Variants in TOR1AIP1 observed in about 807,000 individuals in gnomAD.
TOR1AIP1 encodes torsin 1A interacting protein 1, also known as torsin-1A-interacting protein 1.
TOR1AIP1 carries 54 observed loss-of-function variants against 63.3 expected under a neutral mutation model. That is an observed-to-expected ratio of 0.85 (90% CI 0.69 to 1.07). TOR1AIP1 has a LOEUF of 1.07. Ranked by LOEUF, TOR1AIP1 falls within the 50% of genes least tolerant of loss-of-function variation. The pLI is 0.00. For synonymous variants in TOR1AIP1, 294 were observed against 273.5 expected, an observed-to-expected ratio of 1.07 and a Z score of -0.74; for missense variants, 736 against 715.0, an observed-to-expected ratio of 1.03 and a Z score of -0.33.
At chr1:179,883,056 T>C (rs765892158) in intron 1 of TOR1AIP1, 79 bp downstream of exon 1, 1 of 1,290,764 alleles carries the variant, frequency 7.7e-7, no homozygotes, top group African/African-American at 1.5e-5. Context: ...GTGGAGCTCA[T>C]GCCCGCCTGG....
Position 179,914,592 on chromosome 1 carries a change from G to A in TOR1AIP1, c.964+538G>A, listed in dbSNP as rs557979117. Among the ~76,000 whole-genome samples the A allele has an allele frequency of 7.9e-5, 12 of 152,140 alleles. No homozygotes were observed. The South Asian group carries it at 2.3e-3, about 29-fold the overall frequency. On this transcript the variant is annotated intron_variant, in intron 9 of 9. Coordinates refer to ENST00000606911, the MANE Select transcript of TOR1AIP1 (RefSeq NM_015602.4). ...AGGCGGATCATGAGATCAAGAGATC[G>A]AAACCATCCTGGCCAACATGGTGAA...
chr1:179,912,353 T>C (rs566685993), intron 8 of TOR1AIP1, among the ~76,000 whole-genome samples: 2 of 152,184 alleles, frequency 1.3e-5, no homozygotes, highest in Non-Finnish European at 2.9e-5. Flanking sequence ...TTTTTTAGAA[T>C]TGTTGTTAGC....
intron 8 of TOR1AIP1, among the ~76,000 whole-genome samples, chr1:179,913,127 TA>T (rs1157587637): frequency 6.6e-6 from 1 of 151,570 alleles, no homozygotes; most frequent in Non-Finnish European, 1.5e-5. Flanking sequence ...TTCTTGTTTT[TA>T]ATTTTTTTTT....
At chr1:179,884,315 G>T (rs1647839711) in intron 1 of TOR1AIP1, among the ~76,000 whole-genome samples, 1 of 152,010 alleles carries the variant, frequency 6.6e-6, no homozygotes. Flanking sequence ...AGTTATACAG[G>T]CTAACTTTTT....
intron 2 of TOR1AIP1, 132 bp downstream of exon 2, chr1:179,884,901 C>T: frequency 1.7e-6 from 1 of 585,514 alleles, no homozygotes; most frequent in South Asian, 2.4e-5. Flanking sequence ...ACCAGCCACC[C>T]ATATAACCTT....
At chr1:179,909,077 T>C (rs1015236383) in intron 8 of TOR1AIP1, among the ~76,000 whole-genome samples, 1 of 151,794 alleles carries the variant, frequency 6.6e-6, no homozygotes, top group African/African-American at 2.4e-5. Context: ...AGGAGAATGG[T>C]GTGAACCCAG....
chr1:179,917,299 ATTATT>A (rs1279025964), intron 9 of TOR1AIP1, among the ~76,000 whole-genome samples, 148 bp from the exon 10 acceptor site: 1 of 152,238 alleles, frequency 6.6e-6, no homozygotes, highest in Non-Finnish European at 1.5e-5. Context: ...AATGTGATAA[ATTATT>A]TTATTAAGAA....
intron 5 of TOR1AIP1, 22 bp from the exon 6 acceptor site, chr1:179,903,944 T>C (rs1197172976): frequency 1.3e-6 from 2 of 1,490,834 alleles, no homozygotes; most frequent in East Asian, 4.5e-5. Context: ...TTATTTATAG[T>C]GTACTGTTTT....
In TOR1AIP1 at chr1:179,900,179, G is replaced by A. The variant is rs1417015241; in HGVS notation, c.652+12G>A. ...TTTCTCTGAAGAAGGTATTTTACTT[G>A]TAAATATCATATAATATATACTTTA... On this transcript the variant is annotated intron_variant, in intron 4 of 9. Transcript: ENST00000606911. 2 of 1,558,230 alleles carry A rather than the reference G, an allele frequency of 1.3e-6. No individual in the cohort carries two copies. The highest frequency in any genetic ancestry group is 1.7e-5 in the Admixed American group (1 of 59,598).
At chr1:179,912,635 T>C (rs886088240) in intron 8 of TOR1AIP1, among the ~76,000 whole-genome samples, 5 of 152,164 alleles carry the variant, frequency 3.3e-5, no homozygotes, top group African/African-American at 4.8e-5. Context: ...TTTCATGTGG[T>C]TAGGTATTTT....
Position 179,917,751 on chromosome 1 carries a change from C to G in TOR1AIP1, c.1264C>G (p.Leu422Val), listed in dbSNP as rs1471399916. 4 of 1,614,200 alleles carry G rather than the reference C, an allele frequency of 2.5e-6. No individual in the cohort carries two copies. The highest frequency in any genetic ancestry group is 1.1e-5 in the South Asian group (1 of 91,080). ...LTAARDAEEA[L>V]RCLSEQIADA... ...TGCTGCCCGAGATGCTGAAGAAGCA[C>G]TTAGGTGTCTGAGTGAACAAATTGC... Residue 422 changes from leucine to valine, a missense_variant, in exon 10 of 10, where the codon CTT (leucine) becomes GTT (valine). Physicochemically the swap from Leu to Val is conservative, Grantham distance 32 (BLOSUM62 1). Coordinates refer to ENST00000606911, the MANE Select transcript of TOR1AIP1 (RefSeq NM_015602.4).
rs550939059 is a variant in TOR1AIP1 at position 179,902,585 on chromosome 1, G to C, written c.739+1197G>C. On this transcript the variant is annotated intron_variant, in intron 5 of 9. Transcript: ENST00000606911. ...CTGGTTGTTGGGCATTTGGTATTCT[G>C]TGTGTTTCCCACCCTTCCTCATTTT... 2.6e-5 allele frequency among the ~76,000 whole-genome samples: 4 copies of C among 152,190 alleles called. No individual in the cohort carries two copies. The South Asian group carries it at 8.3e-4, about 32-fold the overall frequency.
At chr1:179,900,212 T>G (rs768288848) in intron 4 of TOR1AIP1, 45 bp downstream of exon 4, 1 of 1,339,456 alleles carries the variant, frequency 7.5e-7, no homozygotes, top group Non-Finnish European at 1.1e-6. Context: ...TTAAGTCTTT[T>G]TCTTTACATT....
chr1:179,909,768 T>G (rs1490533863), intron 8 of TOR1AIP1, among the ~76,000 whole-genome samples: 1 of 151,828 alleles, frequency 6.6e-6, no homozygotes, highest in African/African-American at 2.4e-5. Context: ...TTGTTTTGTT[T>G]TGGGTTTTTT....
intron 1 of TOR1AIP1, chr1:179,883,775 TTAGG>T (rs1458198781): frequency 2.3e-6 from 1 of 441,878 alleles, no homozygotes; most frequent in African/African-American, 2.0e-5. Context: ...GTGTATAGTG[TTAGG>T]TAAGTCATAG....
intron 6 of TOR1AIP1, among the ~76,000 whole-genome samples, chr1:179,906,743 C>CCCCCT (rs1491104735): frequency 1.8e-4 from 7 of 39,848 alleles, no homozygotes; most frequent in South Asian, 7.8e-4. Context: ...CCCCCCCCCC[C>CCCCCT]TTTTTTTTTT....
chr1:179,901,435 T>C (rs750996486), intron 5 of TOR1AIP1, 47 bp downstream of exon 5: 1 of 1,185,576 alleles, frequency 8.4e-7, no homozygotes. Flanking sequence ...GAACTATCTT[T>C]GGTATTCCAT....
intron 5 of TOR1AIP1, among the ~76,000 whole-genome samples, 176 bp downstream of exon 5, chr1:179,901,564 T>C (rs1485446331): frequency 6.6e-6 from 1 of 152,228 alleles, no homozygotes; most frequent in Non-Finnish European, 1.5e-5. Flanking sequence ...TAATACTATG[T>C]CATGATATCT....
At chr1:179,901,458 T>A (rs962378735) in intron 5 of TOR1AIP1, 70 bp downstream of exon 5, 9 of 967,138 alleles carry the variant, frequency 9.3e-6, no homozygotes, top group Admixed American at 6.0e-5. Context: ...ATTTGCTTTT[T>A]AAAAAAAACT....
Sources: gnomAD v4.1 joint callset for allele counts (sites outside exome capture counted in the v4.1 genomes callset) on GRCh38, gnomAD v4.1.1 for gene constraint, MANE v1.5 for transcripts, NCBI Gene and HGNC (gene_info 2026-07-23, HGNC 2026-07-21) for gene names.